The following CNTN5 variants were observed in gnomAD, a reference collection of about 807,000 sequenced individuals.
CNTN5 encodes the protein contactin-5.
A neutral mutation model predicts 129.1 loss-of-function variants in CNTN5; 77 were observed. The ratio of observed to expected loss-of-function variants is 0.60; its 90% CI spans 0.50 to 0.72. CNTN5 has a LOEUF of 0.72. Among genes scored for constraint, CNTN5 ranks in the 30% least tolerant of loss-of-function variants. The probability of loss-of-function intolerance (pLI) is 0.00; values close to 1 mark genes in which losing one functional copy is unlikely to be tolerated. For synonymous variants in CNTN5, 509 were observed against 465.6 expected (o/e 1.09, Z -1.20); for missense variants, 1,478 against 1,328.8 (o/e 1.11, Z -1.75).
intron 20 of CNTN5, among the ~76,000 whole-genome samples, chr11:100,306,188 T>C (rs1238643464): frequency 6.6e-6 from 1 of 151,692 alleles, no homozygotes; most frequent in Non-Finnish European, 1.5e-5. Context: ...AGGTGTGGTA[T>C]GACCCTGATT....
chr11:99,030,226 T>C (rs756719711), intron 1 of CNTN5, among the ~76,000 whole-genome samples: 5 of 152,198 alleles, frequency 3.3e-5, no homozygotes, highest in Non-Finnish European at 5.9e-5. Context: ...AGACTGTAGA[T>C]TTAGGAATCA....
At chr11:100,131,635 A>G (rs1176077130) in intron 13 of CNTN5, among the ~76,000 whole-genome samples, 3 of 151,804 alleles carry the variant, frequency 2.0e-5, no homozygotes, top group African/African-American at 7.3e-5. Flanking sequence ...ACTGCCTAAA[A>G]ATGGAAATAA....
At chr11:99,328,277 T>C (rs987706846) in intron 2 of CNTN5, among the ~76,000 whole-genome samples, 1 of 152,138 alleles carries the variant, frequency 6.6e-6, no homozygotes, top group Non-Finnish European at 1.5e-5. Flanking sequence ...CAGTTTTGAA[T>C]GAATACTCGA....
intron 2 of CNTN5, among the ~76,000 whole-genome samples, chr11:99,414,815 G>A (rs577839429): frequency 2.0e-5 from 3 of 152,276 alleles, no homozygotes; most frequent in Admixed American, 6.5e-5. Context: ...TCTGTCGTGA[G>A]TGACAGAGGA....
At chr11:99,840,850 A>G (rs891988058) in intron 4 of CNTN5, among the ~76,000 whole-genome samples, 3 of 152,122 alleles carry the variant, frequency 2.0e-5, no homozygotes, top group Non-Finnish European at 2.9e-5. Flanking sequence ...GCAGAATGTA[A>G]GTATATGGAT....
intron 7 of CNTN5, among the ~76,000 whole-genome samples, chr11:99,922,862 CAGTTG>C (rs1164966687): frequency 6.6e-6 from 1 of 152,162 alleles, no homozygotes; most frequent in Admixed American, 6.5e-5. Flanking sequence ...CAGATTCTAA[CAGTTG>C]AGTTTTGCAA....
At chr11:99,909,200 A>G (rs1405299760) in intron 6 of CNTN5, among the ~76,000 whole-genome samples, 3 of 152,164 alleles carry the variant, frequency 2.0e-5, no homozygotes, top group Admixed American at 1.3e-4. Flanking sequence ...TCCCATTCAT[A>G]GGTGACTGAT....
intron 2 of CNTN5, among the ~76,000 whole-genome samples, chr11:99,457,736 T>C (rs1196238742): frequency 6.6e-6 from 1 of 151,810 alleles, no homozygotes; most frequent in Non-Finnish European, 1.5e-5. Context: ...ATTAGATTGT[T>C]ATATTATTTT....
intron 20 of CNTN5, among the ~76,000 whole-genome samples, chr11:100,306,624 C>A (rs928147704): frequency 2.6e-5 from 4 of 151,638 alleles, no homozygotes; most frequent in African/African-American, 9.7e-5. Flanking sequence ...GTTGTACACA[C>A]CTCAGAAACA....
intron 13 of CNTN5, among the ~76,000 whole-genome samples, chr11:100,144,005 C>G (rs573247870): frequency 1.3e-5 from 2 of 152,252 alleles, no homozygotes; most frequent in Non-Finnish European, 2.9e-5. Flanking sequence ...TTTCTTACAT[C>G]ATTCTCTGTA....
intron 7 of CNTN5, among the ~76,000 whole-genome samples, chr11:99,932,096 AT>A (rs1177498058): frequency 2.6e-5 from 4 of 151,866 alleles, no homozygotes; most frequent in African/African-American, 9.7e-5. Context: ...CACTGTATTC[AT>A]TTTTTTCAGC....
At chr11:100,210,106 C>G (rs974713774) in intron 15 of CNTN5, among the ~76,000 whole-genome samples, 2 of 150,648 alleles carry the variant, frequency 1.3e-5, no homozygotes, top group Non-Finnish European at 2.9e-5. Context: ...GAGGCCGGGG[C>G]CAGTGGATCA....
At chr11:99,183,908 G>T (rs1462871029) in intron 1 of CNTN5, among the ~76,000 whole-genome samples, 1 of 151,974 alleles carries the variant, frequency 6.6e-6, no homozygotes. Context: ...TACCCATTCT[G>T]TTGCCCGTGT....
chr11:100,028,791 A>T (rs780496971), intron 9 of CNTN5, among the ~76,000 whole-genome samples: 1 of 152,210 alleles, frequency 6.6e-6, no homozygotes. Flanking sequence ...GTTTCTATAG[A>T]TATGAAATAT....
chr11:100,004,716 C>G (rs1242679236), intron 9 of CNTN5, among the ~76,000 whole-genome samples: 1 of 152,074 alleles, frequency 6.6e-6, no homozygotes, highest in African/African-American at 2.4e-5. Flanking sequence ...ATGTGTAATC[C>G]TGAAGGAGCA....
At chr11:99,714,990 T>G (rs1164068037) in intron 3 of CNTN5, among the ~76,000 whole-genome samples, 1 of 152,014 alleles carries the variant, frequency 6.6e-6, no homozygotes, top group Non-Finnish European at 1.5e-5. Flanking sequence ...TATTAATTAC[T>G]CTTTTTATGC....
chr11:99,509,008 A>G (rs896896078), intron 2 of CNTN5, among the ~76,000 whole-genome samples: 3 of 152,132 alleles, frequency 2.0e-5, no homozygotes, highest in East Asian at 3.9e-4. Context: ...AAATAAATAC[A>G]TAAAGTGTAA....
intron 9 of CNTN5, among the ~76,000 whole-genome samples, chr11:100,034,716 G>C (rs1192468223): frequency 6.6e-6 from 1 of 152,196 alleles, no homozygotes; most frequent in Admixed American, 6.5e-5. Context: ...ACTTGCAATA[G>C]AGACTATCTG....
intron 22 of CNTN5, 99 bp downstream of exon 22, chr11:100,340,748 G>C (rs911938743): frequency 9.2e-7 from 1 of 1,084,310 alleles, no homozygotes; most frequent in South Asian, 1.7e-5. Flanking sequence ...GAGTCAAAGG[G>C]GAGTTTTGAT....
Sources: allele counts gnomAD v4.1 joint callset (sites outside exome capture counted in the v4.1 genomes callset), GRCh38; gene constraint gnomAD v4.1.1; transcripts MANE v1.5; gene names NCBI Gene and HGNC (gene_info 2026-07-23, HGNC 2026-07-21).